The following BORCS5 variants were observed in gnomAD, a reference collection of about 807,000 sequenced individuals.
BORCS5 encodes BLOC-1-related complex subunit 5.
A neutral mutation model predicts 22.1 loss-of-function variants in BORCS5; 17 were observed. That is an observed-to-expected ratio of 0.77 (90% CI 0.53 to 1.15). The LOEUF (loss-of-function observed/expected upper bound fraction) is 1.15, where lower values mean the gene tolerates loss of function less well. BORCS5 is among the 50% of genes most tolerant of loss of function. The pLI is 0.00. For synonymous variants in BORCS5, 117 were observed against 99.8 expected (o/e 1.17, Z -1.03); for missense variants, 247 against 253.2 (o/e 0.98, Z 0.17).
intron 3 of BORCS5, among the ~76,000 whole-genome samples, chr12:12,451,394 C>T (rs1048834324): frequency 6.6e-6 from 1 of 152,116 alleles, no homozygotes; most frequent in African/African-American, 2.4e-5. Flanking sequence ...TTAAGGAATG[C>T]CGCACTTGTG....
At chr12:12,407,702 C>CTTTTTTTTT (rs201404558) in intron 2 of BORCS5, among the ~76,000 whole-genome samples, 2 of 141,768 alleles carry the variant, frequency 1.4e-5, no homozygotes, top group African/African-American at 2.6e-5. Context: ...TTTTACTATT[C>CTTTTTTTTT]TTTTTGTTTT....
intron 2 of BORCS5, among the ~76,000 whole-genome samples, chr12:12,376,407 GTA>G (rs1863654526): frequency 6.6e-6 from 1 of 151,704 alleles, no homozygotes; most frequent in African/African-American, 2.4e-5. Flanking sequence ...CTAATTTTTT[GTA>G]TTTTTAGTAG....
intron 2 of BORCS5, among the ~76,000 whole-genome samples, chr12:12,429,418 G>C (rs1489626658): frequency 6.6e-6 from 1 of 152,160 alleles, no homozygotes; most frequent in Non-Finnish European, 1.5e-5. Context: ...TATTTTCTCT[G>C]TCCTGTCTTG....
chr12:12,394,512 T>G (rs1394805255), intron 2 of BORCS5, among the ~76,000 whole-genome samples: 1 of 151,818 alleles, frequency 6.6e-6, no homozygotes, highest in Non-Finnish European at 1.5e-5. Flanking sequence ...AAGATATAAC[T>G]GGATGTCACA....
chr12:12,427,095 G>T (rs532911879), intron 2 of BORCS5, among the ~76,000 whole-genome samples: 1 of 151,576 alleles, frequency 6.6e-6, no homozygotes, highest in South Asian at 2.1e-4. Context: ...TAAGTATCCC[G>T]AAGGAATCAA....
rs869045354 is a variant in BORCS5 at position 12,412,900 on chromosome 12, C to CTTTTTTTTTT, written c.203-22712_203-22703dup. ...TCAGTTGAAATGATTTTGTGGTTTTCTTTTTTTTTTTTTTTTTTTTTTTTT... is the reference window on the plus strand; with the variant it reads ...TCAGTTGAAATGATTTTGTGGTTTTCTTTTTTTTTTTTTTTTTTTTTTTTTTTTTTTTTTT... On this transcript the variant is annotated intron_variant, in intron 2 of 3. Coordinates refer to ENST00000314565, the MANE Select transcript of BORCS5 (RefSeq NM_058169.6). Among the ~76,000 whole-genome samples the CTTTTTTTTTT allele has an allele frequency of 1.1e-4, 8 of 74,168 alleles. 1 individual carries two copies. Among genetic ancestry groups the CTTTTTTTTTT allele is most frequent in the East Asian group, 1.1e-3 (2 of 1,886 alleles). The allele number at this position is 74,168 out of a possible 152,430, so 48.7% of individuals were successfully genotyped here.
chr12:12,368,922 G>T (rs948853053), intron 2 of BORCS5, among the ~76,000 whole-genome samples: 12 of 152,098 alleles, frequency 7.9e-5, no homozygotes, highest in African/African-American at 2.9e-4. Flanking sequence ...GTGTTCTGTA[G>T]TTAATGGGTA....
intron 2 of BORCS5, among the ~76,000 whole-genome samples, chr12:12,431,326 T>C (rs1053833169): frequency 6.6e-6 from 1 of 152,206 alleles, no homozygotes; most frequent in Non-Finnish European, 1.5e-5. Flanking sequence ...GCATCTTTTC[T>C]TATAGTTGAG....
chr12:12,419,703 C>G (rs762681873), intron 2 of BORCS5, among the ~76,000 whole-genome samples: 4 of 152,182 alleles, frequency 2.6e-5, no homozygotes, highest in Non-Finnish European at 5.9e-5. Flanking sequence ...CTCTCCAGCA[C>G]ATGTTGTTTC....
chr12:12,365,761 T>A (rs777632173), intron 2 of BORCS5, among the ~76,000 whole-genome samples: 2 of 152,232 alleles, frequency 1.3e-5, no homozygotes, highest in Admixed American at 6.5e-5. Flanking sequence ...ATAATAGCTA[T>A]TGTTCTTTCT....
intron 2 of BORCS5, among the ~76,000 whole-genome samples, chr12:12,430,515 A>G (rs1337783321): frequency 6.6e-6 from 1 of 152,024 alleles, no homozygotes; most frequent in African/African-American, 2.4e-5. Flanking sequence ...TGAGGTTTTT[A>G]CTTATGGAGT....
chr12:12,419,919 G>C (rs1942070189), intron 2 of BORCS5, among the ~76,000 whole-genome samples: 1 of 151,998 alleles, frequency 6.6e-6, no homozygotes, highest in Non-Finnish European at 1.5e-5. Flanking sequence ...AAATTTGTTT[G>C]AATTCTTTGT....
intron 2 of BORCS5, among the ~76,000 whole-genome samples, chr12:12,374,019 G>A (rs1442160080): frequency 2.3e-5 from 3 of 128,104 alleles, no homozygotes; most frequent in East Asian, 4.4e-4. Context: ...ACGGAGTCTC[G>A]CTCTGTCGCC....
At chr12:12,423,603 TG>T (rs1942199777) in intron 2 of BORCS5, among the ~76,000 whole-genome samples, 1 of 151,990 alleles carries the variant, frequency 6.6e-6, no homozygotes, top group South Asian at 2.1e-4. Flanking sequence ...CCTAGGTTTC[TG>T]ATGAGAAATC....
chr12:12,457,625 G>A (rs1226508518), intron 3 of BORCS5, among the ~76,000 whole-genome samples: 2 of 152,148 alleles, frequency 1.3e-5, no homozygotes, highest in Non-Finnish European at 2.9e-5. Context: ...AGCCGAGATC[G>A]CGCCACTGCA....
chr12:12,407,351 T>A (rs1592094425), intron 2 of BORCS5, among the ~76,000 whole-genome samples: 1 of 152,004 alleles, frequency 6.6e-6, no homozygotes, highest in South Asian at 2.1e-4. Context: ...TTCCTTTGTT[T>A]ATCCTTTTAT....
intron 2 of BORCS5, among the ~76,000 whole-genome samples, chr12:12,381,636 T>C (rs1297678185): frequency 6.6e-6 from 1 of 151,554 alleles, no homozygotes; most frequent in Admixed American, 6.6e-5. Flanking sequence ...AGATTTTCTC[T>C]TGTATTACTG....
At chr12:12,393,405 G>C (rs943582507) in intron 2 of BORCS5, among the ~76,000 whole-genome samples, 1 of 151,910 alleles carries the variant, frequency 6.6e-6, no homozygotes, top group Non-Finnish European at 1.5e-5. Flanking sequence ...CTGAACTTGA[G>C]ATCAAAAAAG....
chr12:12,441,429 G>C (rs1448003219), intron 3 of BORCS5, among the ~76,000 whole-genome samples: 1 of 152,132 alleles, frequency 6.6e-6, no homozygotes, highest in African/African-American at 2.4e-5. Flanking sequence ...TTCCTTTTCT[G>C]TTCAGTGAGA....
Sources: gnomAD v4.1 joint callset for allele counts (sites outside exome capture counted in the v4.1 genomes callset) on GRCh38, gnomAD v4.1.1 for gene constraint, MANE v1.5 for transcripts, NCBI Gene and HGNC (gene_info 2026-07-23, HGNC 2026-07-21) for gene names.